The following NEB variants were observed in gnomAD, a reference collection of about 807,000 sequenced individuals.
The protein encoded by NEB is nemaline myopathy type 2.
NEB carries 512 observed loss-of-function variants against 952.2 expected under a neutral mutation model. The observed-to-expected ratio is 0.54, with a 90% CI of 0.50 to 0.58. NEB has a LOEUF of 0.58. Ranked by LOEUF, NEB falls within the 20% of genes least tolerant of loss-of-function variation. NEB has a pLI of 0.00. For synonymous variants in NEB, 2,900 were observed against 3,149.8 expected (o/e 0.92, Z 2.66); for missense variants, 8,428 against 9,231.1 (o/e 0.91, Z 3.56).
At position 151,631,355 on chromosome 2, in the gene NEB, A is replaced by T. The variant is rs2098662932; in HGVS notation, c.9415-9T>A. ...TCTGACTTGTAAATATTCTGAGCAG[A>T]GGAAAAAAGTCAAAAACTCTTCATC... On this transcript the variant is annotated splice_polypyrimidine_tract_variant and intron_variant, in intron 65 of 181. Coordinates refer to ENST00000397345, the MANE Select transcript of NEB (RefSeq NM_001164508.2). 2 of 1,604,712 alleles carry T rather than the reference A, an allele frequency of 1.2e-6. No individual in the cohort carries two copies. Among genetic ancestry groups the T allele is most frequent in the Non-Finnish European group, 1.7e-6 (2 of 1,173,318 alleles).
chr2:151,690,366 A>G (rs912545779), intron 24 of NEB: 105 of 199,924 alleles, frequency 5.3e-4, no homozygotes, highest in Non-Finnish European at 7.2e-5. Context: ...TTTGTTAGCA[A>G]ATTCAAGAAT....
intron 179 of NEB, among the ~76,000 whole-genome samples, chr2:151,490,913 T>A (rs2055978283): frequency 6.6e-6 from 1 of 152,236 alleles, no homozygotes; most frequent in Admixed American, 6.5e-5. Context: ...TTCTCTGTGT[T>A]CCCAAAATAC....
At chr2:151,726,888 AT>A (rs35110901) in intron 5 of NEB, among the ~76,000 whole-genome samples, 15,829 of 150,348 alleles carry the variant, frequency 0.11, 1,091 homozygotes, top group African/African-American at 0.19. Flanking sequence ...AGATCCTACA[AT>A]TTTTTTTTTA....
intron 166 of NEB, 116 bp downstream of exon 166, chr2:151,503,233 A>G (rs1490293259): frequency 3.9e-6 from 3 of 759,862 alleles, no homozygotes; most frequent in East Asian, 5.3e-5. Flanking sequence ...ATAATACACA[A>G]CACACACAGA....
Position 151,617,429 on chromosome 2 carries a change from T to A in NEB, c.11116A>T (p.Ile3706Phe). 6.4e-7 allele frequency: 1 copy of A among 1,558,650 alleles called. No individual in the cohort carries two copies. Among genetic ancestry groups the A allele is most frequent in the East Asian group, 2.3e-5 (1 of 42,874 alleles). ...TCTGGTGTATCAGGCATGACATGAA[T>A]AGTTTTCTTGTCATTGTCCCAGGCT... Reference protein sequence around the residue: ...TEAWDNDKKTIHVMPDTPEIM... With the variant: ...TEAWDNDKKTFHVMPDTPEIM... Residue 3706 changes from isoleucine (I) to phenylalanine (F), a missense_variant, in exon 75 of 182, where the codon ATT (isoleucine) becomes TTT (phenylalanine). Ile to Phe is a conservative substitution (Grantham distance 21). Around this residue, in one of 11 missense-constraint regions of NEB, gnomAD observed 1,772 missense variants for 1,960.3 expected, o/e 0.90. Transcript: ENST00000397345.
chr2:151,702,622 G>T (rs1174817905), intron 13 of NEB, among the ~76,000 whole-genome samples: 4 of 151,702 alleles, frequency 2.6e-5, no homozygotes, highest in East Asian at 1.9e-4. Context: ...ATTATGTAAT[G>T]GCCTTCTTTG....
chr2:151,628,254 G>C (rs2098564338), intron 68 of NEB, among the ~76,000 whole-genome samples: 1 of 152,112 alleles, frequency 6.6e-6, no homozygotes, highest in South Asian at 2.1e-4. Flanking sequence ...TGCTATTCCT[G>C]AGTCCACAGA....
At chr2:151,705,506 A>G (rs147573063) in intron 13 of NEB, among the ~76,000 whole-genome samples, 182 of 152,332 alleles carry the variant, frequency 1.2e-3, no homozygotes, top group African/African-American at 4.0e-3. Context: ...CACCATGGAA[A>G]ACAGTATGGA....
At chr2:151,667,984 T>G in intron 39 of NEB, 73 bp from the exon 40 acceptor site, 1 of 1,206,224 alleles carries the variant, frequency 8.3e-7, no homozygotes. Flanking sequence ...CCAAAATGTT[T>G]CTTATAAAAC....
At chr2:151,637,976 C>T (rs2098793533) in intron 63 of NEB, among the ~76,000 whole-genome samples, 1 of 152,182 alleles carries the variant, frequency 6.6e-6, no homozygotes, top group Non-Finnish European at 1.5e-5. Context: ...CAATATTTTC[C>T]TTGCTGGTGG....
At chr2:151,665,223 A>G in intron 42 of NEB, 110 bp downstream of exon 42, 1 of 1,027,250 alleles carries the variant, frequency 9.7e-7, no homozygotes, top group South Asian at 1.5e-5. Flanking sequence ...CACCACCGGC[A>G]CGAAGACGAT....
rs1035587643 is a variant in NEB at position 151,702,958 on chromosome 2, T to G, written c.1152+3923A>C. The stretch of plus-strand genomic sequence containing the variant: ...TGATGCAGTTTCTTCCTAGTCTCGA[T>G]GGTCTTTACATTTGGGCATGATTTT... On this transcript the variant is annotated intron_variant, in intron 13 of 181. Transcript: ENST00000397345. Among the ~76,000 whole-genome samples the G allele has an allele frequency of 2.6e-5, 4 of 152,328 alleles. No individual in the cohort carries two copies. In the East Asian group the frequency reaches 7.7e-4, roughly 29 times the overall value.
intron 107 of NEB, among the ~76,000 whole-genome samples, chr2:151,574,040 C>A (rs1003315515): frequency 1.3e-5 from 2 of 152,122 alleles, no homozygotes; most frequent in African/African-American, 4.8e-5. Context: ...GTGGCGTGAT[C>A]TCGGCTTACT....
chr2:151,609,439 A>AT (rs1208947366), intron 81 of NEB, among the ~76,000 whole-genome samples: 1 of 152,136 alleles, frequency 6.6e-6, no homozygotes, highest in Non-Finnish European at 1.5e-5. Flanking sequence ...ATTCCATAAT[A>AT]TAATTATTTG....
intron 51 of NEB, among the ~76,000 whole-genome samples, chr2:151,654,635 G>T (rs1391436550): frequency 6.6e-6 from 1 of 152,146 alleles, no homozygotes; most frequent in Non-Finnish European, 1.5e-5. Context: ...TAGTTATCCA[G>T]TACTTTCCAT....
chr2:151,548,610 G>C (rs2153626418), intron 130 of NEB, among the ~76,000 whole-genome samples, 195 bp from the exon 131 acceptor site: 1 of 152,246 alleles, frequency 6.6e-6, no homozygotes, highest in Non-Finnish European at 1.5e-5. Flanking sequence ...ATAAAACCAG[G>C]CCAAGAAAAG....
chr2:151,505,912 C>T, intron 164 of NEB: 1 of 561,516 alleles, frequency 1.8e-6, no homozygotes, highest in Non-Finnish European at 3.2e-6. Context: ...AAGGTTGGTT[C>T]TTTGACTGTA....
At chr2:151,734,359 T>C (rs2099816495) in intron 1 of NEB, 39 bp downstream of exon 1, 1 of 152,162 alleles carries the variant, frequency 6.6e-6, no homozygotes, top group African/African-American at 2.4e-5. Flanking sequence ...GAGCATCTCC[T>C]GAAAGAGTAT....
chr2:151,720,138 TA>T (rs568697998), intron 9 of NEB, among the ~76,000 whole-genome samples: 28 of 145,868 alleles, frequency 1.9e-4, no homozygotes, highest in South Asian at 1.3e-3. Context: ...TTTAAAAAAG[TA>T]AAAAAAAAAA....
Sources: gnomAD v4.1 joint callset for allele counts (sites outside exome capture counted in the v4.1 genomes callset) on GRCh38, gnomAD v4.1.1 for gene constraint, gnomAD v4.1.1 regional missense constraint, MANE v1.5 for transcripts, NCBI Gene and HGNC (gene_info 2026-07-23, HGNC 2026-07-21) for gene names.